MYO9B: variants seen among roughly 807,000 people sequenced by gnomAD.
MYO9B encodes the protein myosin IXB.
A neutral mutation model predicts 229.5 loss-of-function variants in MYO9B; 71 were observed. The ratio of observed to expected loss-of-function variants is 0.31; its 90% confidence interval spans 0.26 to 0.38. The LOEUF (loss-of-function observed/expected upper bound fraction) is 0.38, where lower values mean the gene tolerates loss of function less well. Among genes scored for constraint, MYO9B ranks in the 10% least tolerant of loss-of-function variants. MYO9B has a pLI of 1.00. For missense variants in MYO9B, 2,255 were observed against 2,920.5 expected (o/e 0.77, Z 5.25); for synonymous variants, 1,185 against 1,235.8 (o/e 0.96, Z 0.86).
At chr19:17,144,852 C>T (rs775477655) in intron 2 of MYO9B, among the ~76,000 whole-genome samples, 6 of 151,584 alleles carry the variant, frequency 4.0e-5, no homozygotes, top group South Asian at 2.1e-4. Flanking sequence ...CGCCTGTAAT[C>T]CCAGCCACTC....
rs777905249 is a variant in MYO9B at position 17,183,899 on chromosome 19, G to A, written c.2373+31G>A. 4.3e-5 allele frequency: 66 copies of A among 1,544,062 alleles called. 1 individual carries two copies. The Middle Eastern group carries it at 1.0e-3, about 24-fold the overall frequency. On this transcript the variant is annotated intron_variant, in intron 16 of 39. Coordinates refer to ENST00000682292, the MANE Select transcript of MYO9B (RefSeq NM_004145.4). ...AAAAAAAACACACCCCGCGCGACAC[G>A]TTCCAAGATATCTTGCTTCTCTGCC...
chr19:17,174,147 A>G (rs560836603), intron 13 of MYO9B, among the ~76,000 whole-genome samples: 168 of 148,224 alleles, frequency 1.1e-3, no homozygotes, highest in African/African-American at 4.1e-3. Flanking sequence ...CTCCTGCCTC[A>G]GCCTCCTAAG....
chr19:17,148,889 T>A (rs922667054), intron 3 of MYO9B, among the ~76,000 whole-genome samples: 2 of 152,026 alleles, frequency 1.3e-5, no homozygotes, highest in Non-Finnish European at 2.9e-5. Flanking sequence ...CGACCCCCTC[T>A]TCTAAGGACA....
Position 17,158,499 on chromosome 19 carries a change from A to G in MYO9B, c.1330-896A>G, listed in dbSNP as rs555705409. On this transcript the variant is annotated intron_variant, in intron 7 of 39. Transcript: ENST00000682292. The stretch of plus-strand genomic sequence containing the variant: ...AGTCCCAGCTATTCGGGAGGCTGAG[A>G]CAGGAGAATCACTTGAACCCAGGAG... 2.7e-4 allele frequency among the ~76,000 whole-genome samples: 41 copies of G among 151,920 alleles called. No individual in the cohort carries two copies. In the Middle Eastern group the frequency reaches 0.014, roughly 50 times the overall value.
In MYO9B at chr19:17,081,137, C is replaced by T. The variant is rs886353400; in HGVS notation, c.-59+5263C>T. On this transcript the variant is annotated intron_variant, in intron 1 of 39. Transcript: ENST00000682292. ...CTGTCTCCCAGGTTCAAGTGATTCT[C>T]CTGCCTCAGCCTCCCGAGTAGCTGG... Among the ~76,000 whole-genome samples, 8 of 152,186 alleles carry T rather than the reference C, an allele frequency of 5.3e-5. 1 individual carries two copies. Among genetic ancestry groups the T allele is most frequent in the Admixed American group, 2.0e-4 (3 of 15,274 alleles).
At chr19:17,180,230 C>G (rs192538525) in intron 14 of MYO9B, among the ~76,000 whole-genome samples, 969 of 64,054 alleles carry the variant, frequency 0.015, 3 homozygotes, top group Admixed American at 0.02. Flanking sequence ...GAGACTCCGT[C>G]TCAATAAATA....
chr19:17,111,326 TGAGGTTC>T (rs1195228055), intron 2 of MYO9B, among the ~76,000 whole-genome samples: 2 of 152,226 alleles, frequency 1.3e-5, no homozygotes, highest in African/African-American at 4.8e-5. Context: ...CCTCTGAAGT[TGAGGTTC>T]CTGTTTAAGA....
At chr19:17,112,185 C>T (rs1048217422) in intron 2 of MYO9B, among the ~76,000 whole-genome samples, 5 of 152,156 alleles carry the variant, frequency 3.3e-5, no homozygotes, top group Non-Finnish European at 7.3e-5. Flanking sequence ...CACAGAGGAT[C>T]CCCTGGAGAC....
At chr19:17,205,168 A>AAGG (rs2073146342) in intron 30 of MYO9B, 95 bp from the exon 31 acceptor site, 2 of 839,672 alleles carry the variant, frequency 2.4e-6, no homozygotes, top group South Asian at 3.1e-5. Context: ...AAAAAAAAAG[A>AAGG]AGGCAATTGG....
At chr19:17,096,704 T>G (rs1437795648) in intron 1 of MYO9B, among the ~76,000 whole-genome samples, 4 of 39,456 alleles carry the variant, frequency 1.0e-4, no homozygotes, top group Non-Finnish European at 1.9e-4. Flanking sequence ...TTGTTGTTGT[T>G]GGTTTTTTTT....
chr19:17,162,277 C>A (rs1248483662), intron 8 of MYO9B, 73 bp from the exon 9 acceptor site: 1 of 1,296,918 alleles, frequency 7.7e-7, no homozygotes, highest in Non-Finnish European at 1.1e-6. Flanking sequence ...TGCACTCCAG[C>A]CTGGATGACA....
chr19:17,096,992 T>G (rs62127862), intron 1 of MYO9B, among the ~76,000 whole-genome samples: 21,150 of 151,056 alleles, frequency 0.14, 1,773 homozygotes, highest in Non-Finnish European at 0.2. Context: ...GCCCGGCCTG[T>G]TGTTGCTGTT....
intron 1 of MYO9B, among the ~76,000 whole-genome samples, chr19:17,088,006 G>A (rs377677370): frequency 4.0e-5 from 6 of 150,334 alleles, no homozygotes; most frequent in South Asian, 4.2e-4. Context: ...AGGCTGAGGC[G>A]GGAGAATAGC....
chr19:17,200,264 T>C (rs771471618), intron 24 of MYO9B, 29 bp from the exon 25 acceptor site: 2 of 1,596,106 alleles, frequency 1.3e-6, no homozygotes, highest in Non-Finnish European at 1.7e-6. Flanking sequence ...ATTTCAGACT[T>C]AAAAGAAGCC....
intron 24 of MYO9B, among the ~76,000 whole-genome samples, chr19:17,199,514 T>TTTG (rs1305555941): frequency 7.1e-6 from 1 of 139,924 alleles, no homozygotes; most frequent in African/African-American, 3.0e-5. Flanking sequence ...TTTTTGTTTG[T>TTTG]TTTTTTTTTG....
chr19:17,137,903 C>CTT (rs35807019), intron 2 of MYO9B, among the ~76,000 whole-genome samples: 23,485 of 143,726 alleles, frequency 0.16, 2,015 homozygotes, highest in East Asian at 0.28. Context: ...CCATACCTGG[C>CTT]TTTTTTTTTT....
At chr19:17,078,273 G>T (rs1260732519) in intron 1 of MYO9B, among the ~76,000 whole-genome samples, 1 of 152,162 alleles carries the variant, frequency 6.6e-6, no homozygotes, top group South Asian at 2.1e-4. Context: ...AAGCTGGGCC[G>T]CGGTGGCTCA....
intron 11 of MYO9B, among the ~76,000 whole-genome samples, chr19:17,170,286 CT>C (rs2072708569): frequency 6.6e-6 from 1 of 152,044 alleles, no homozygotes; most frequent in African/African-American, 2.4e-5. Flanking sequence ...TCCAAAGACC[CT>C]ATTTTCCAAA....
chr19:17,195,416 A>G lies in MYO9B; in HGVS notation c.3989A>G (p.Gln1330Arg). ...AAASPSAMLS[Q>R]SLDLSDRHRA... is the part of the protein sequence containing the mutation. ...GCCAGCCCTAGTGCCATGCTCAGCC[A>G]GTCCCTGGACCTCAGCGACAGACAC... The change falls in exon 22 of 40, where the codon CAG (glutamine) becomes CGG (arginine). Residue 1330 changes from glutamine to arginine, a missense_variant. By Grantham distance (43) the Gln-to-Arg change is conservative. Around this residue, in one of 7 missense-constraint regions of MYO9B, gnomAD observed 679 missense variants for 770.2 expected, o/e 0.88. Transcript: ENST00000682292. This position sits in a 1 kb window ranked among gnomAD's most constrained non-coding sequence, Gnocchi z 4.5. 1.2e-6 allele frequency: 2 copies of G among 1,608,604 alleles called. No individual in the cohort carries two copies. The highest frequency in any genetic ancestry group is 1.7e-6 in the Non-Finnish European group (2 of 1,179,200).
Sources: gnomAD v4.1 joint callset for allele counts (sites outside exome capture counted in the v4.1 genomes callset) on GRCh38, gnomAD v4.1.1 for gene constraint, gnomAD v4.1.1 regional missense constraint, Gnocchi (gnomAD v3.1) non-coding constraint, MANE v1.5 for transcripts, NCBI Gene and HGNC (gene_info 2026-07-23, HGNC 2026-07-21) for gene names.